Variants in UST observed in about 807,000 individuals in gnomAD.
The protein encoded by UST is chondroitin sulfate 2-O-sulfotransferase.
A neutral mutation model predicts 45.6 loss-of-function variants in UST; 21 were observed. The ratio of observed to expected loss-of-function variants is 0.46; its 90% confidence interval spans 0.33 to 0.66. The LOEUF is 0.66. UST is among the 30% of genes least tolerant of loss of function. The pLI is 0.02. For synonymous variants in UST, 215 were observed against 200.6 expected (o/e 1.07, Z -0.61); for missense variants, 463 against 512.4 (o/e 0.90, Z 0.93).
intron 1 of UST, among the ~76,000 whole-genome samples, chr6:148,828,342 G>A (rs544759420): frequency 6.6e-6 from 1 of 152,146 alleles, no homozygotes; most frequent in Admixed American, 6.5e-5. Flanking sequence ...TGTAGAAAGA[G>A]CACAGACAGA....
intron 7 of UST, among the ~76,000 whole-genome samples, chr6:149,072,319 C>T (rs747564097): frequency 3.3e-5 from 5 of 152,104 alleles, no homozygotes; most frequent in African/African-American, 4.8e-5. Flanking sequence ...AAACAAATTG[C>T]GTTCTATCTA....
chr6:148,747,492 TG>T lies in UST; in HGVS notation c.68del (p.Gly23AlafsTer88). The T allele has an allele frequency of 2.0e-6, 3 of 1,517,896 alleles. No individual in the cohort carries two copies. The highest frequency in any genetic ancestry group is 1.3e-5 in the South Asian group (1 of 79,838). 94.0% of individuals were successfully genotyped at this position (1,517,896 alleles called of 1,614,324 possible). ...GADPWPHGAP[M>X]GGAPPGLGSW... Reference sequence around the variant, plus strand: ...GATCCCTGGCCCCATGGGGCCCCTATGGGGGGCGCCCCTCCGGGCCTGGGCA... The same window carrying T: ...GATCCCTGGCCCCATGGGGCCCCTATGGGGGCGCCCCTCCGGGCCTGGGCA... On this transcript the variant is annotated frameshift_variant, in exon 1 of 8. Coordinates refer to ENST00000367463, the MANE Select transcript of UST (RefSeq NM_005715.3). LOFTEE classifies it high-confidence loss of function.
At chr6:148,779,365 C>T (rs911367467) in intron 1 of UST, among the ~76,000 whole-genome samples, 35 of 152,194 alleles carry the variant, frequency 2.3e-4, no homozygotes, top group African/African-American at 8.2e-4. Context: ...TCAAGGGAAT[C>T]TCTTTGACGT....
At chr6:149,073,694 C>T in intron 7 of UST, 139 bp from the exon 8 acceptor site, 1 of 970,630 alleles carries the variant, frequency 1.0e-6, no homozygotes, top group South Asian at 1.8e-5. Context: ...GTCAGGAACC[C>T]TTCTTCTCTT....
At position 149,034,276 on chromosome 6, in the gene UST, T is replaced by C. The variant is rs138032169; in HGVS notation, c.937+12795T>C. On this transcript the variant is annotated intron_variant, in intron 7 of 7. Coordinates refer to ENST00000367463, the MANE Select transcript of UST (RefSeq NM_005715.3). ...AGATTTATTTGTACCTATCAAAAAT[T>C]TCGTATGTGCCAAAATTTTCGTATG... is the stretch of plus-strand genomic sequence containing the variant. 1.0e-3 allele frequency among the ~76,000 whole-genome samples: 153 copies of C among 152,334 alleles called. 1 individual carries two copies. The highest frequency in any genetic ancestry group is 3.4e-3 in the African/African-American group (143 of 41,580).
intron 1 of UST, among the ~76,000 whole-genome samples, chr6:148,803,609 G>A (rs1777092403): frequency 6.6e-6 from 1 of 152,120 alleles, no homozygotes; most frequent in South Asian, 2.1e-4. Context: ...CTCCTCTGGA[G>A]CCAGAATAAA....
Position 148,773,325 on chromosome 6 carries a change from G to A in UST, c.247+25648G>A, listed in dbSNP as rs1282741083. ...AAAATACAAAAATTAGCCGGCTGTG[G>A]TGGCAGATGCCTTTAATCCCAGCTA... On this transcript the variant is annotated intron_variant, in intron 1 of 7. Transcript: ENST00000367463. Among the ~76,000 whole-genome samples, 5 of 152,176 alleles carry A rather than the reference G, an allele frequency of 3.3e-5. No homozygotes were observed. The East Asian group carries it at 9.7e-4, about 29-fold the overall frequency.
rs147183427 is a variant in UST, at chr6:148,907,031, A to C, written c.291+20002A>C. On this transcript the variant is annotated intron_variant, in intron 2 of 7. Transcript: ENST00000367463. Reference sequence around the variant, plus strand: ...GTTATTCTAAACTGGTTAACCACAGATGGGATTAAAGCAAAAATTATGAAT... The same window carrying C: ...GTTATTCTAAACTGGTTAACCACAGCTGGGATTAAAGCAAAAATTATGAAT... Among the ~76,000 whole-genome samples, 900 of 152,304 alleles carry C rather than the reference A, an allele frequency of 5.9e-3. 9 individuals are homozygous for C. Among genetic ancestry groups the C allele is most frequent in the African/African-American group, 0.02 (843 of 41,556 alleles).
rs371874850 is a variant in UST, at chr6:149,063,571, T to C, written c.938-10262T>C. Reference sequence around the variant, plus strand: ...ACCCCAGCCAGATGGGAGGGTAGACTGCTTCTCGCTAAGGACCCAGCATTT... The same window carrying C: ...ACCCCAGCCAGATGGGAGGGTAGACCGCTTCTCGCTAAGGACCCAGCATTT... On this transcript the variant is annotated intron_variant, in intron 7 of 7. Transcript: ENST00000367463. 5.3e-5 allele frequency among the ~76,000 whole-genome samples: 8 copies of C among 152,322 alleles called. No homozygotes were observed. The East Asian group carries it at 1.2e-3, about 22-fold the overall frequency.
chr6:148,913,739 A>G (rs1779524994), intron 2 of UST, among the ~76,000 whole-genome samples: 1 of 152,210 alleles, frequency 6.6e-6, no homozygotes, highest in Non-Finnish European at 1.5e-5. Flanking sequence ...GACGAAAGTC[A>G]TTTTATCAAA....
intron 1 of UST, among the ~76,000 whole-genome samples, chr6:148,774,197 T>C (rs962990317): frequency 5.9e-5 from 9 of 152,006 alleles, no homozygotes; most frequent in Admixed American, 4.6e-4. Context: ...TTTAGAAAGA[T>C]GTTAAAGAAG....
intron 1 of UST, among the ~76,000 whole-genome samples, chr6:148,799,097 T>C (rs1777005290): frequency 6.6e-6 from 1 of 152,180 alleles, no homozygotes; most frequent in African/African-American, 2.4e-5. Context: ...CTCGAACTCC[T>C]GACCTCAGGT....
intron 5 of UST, among the ~76,000 whole-genome samples, chr6:149,013,514 G>A (rs965658920): frequency 6.7e-6 from 1 of 149,748 alleles, no homozygotes; most frequent in Non-Finnish European, 1.5e-5. Context: ...CAACAAGAGC[G>A]AAACTCTGTC....
chr6:148,888,029 T>G (rs1313454786), intron 2 of UST, among the ~76,000 whole-genome samples: 1 of 152,190 alleles, frequency 6.6e-6, no homozygotes, highest in African/African-American at 2.4e-5. Context: ...ATTCCTGCAT[T>G]GCTATAAAGA....
intron 1 of UST, among the ~76,000 whole-genome samples, chr6:148,841,584 T>TTG (rs1316459901): frequency 7.2e-6 from 1 of 139,504 alleles, no homozygotes; most frequent in Non-Finnish European, 1.6e-5. Context: ...CTGTTTTGTT[T>TTG]TTGTTTTTTT....
At position 148,947,959 on chromosome 6, in the gene UST, G is replaced by A. The variant is rs117309523; in HGVS notation, c.448-5913G>A. Reference sequence around the variant, plus strand: ...AGAAAAACAAGGAAGAAGCAGCAAGGCCTGCAAAAATAAAATAAGTTTTTC... The same window carrying A: ...AGAAAAACAAGGAAGAAGCAGCAAGACCTGCAAAAATAAAATAAGTTTTTC... On this transcript the variant is annotated intron_variant, in intron 3 of 7. Transcript: ENST00000367463. 3.3e-5 allele frequency among the ~76,000 whole-genome samples: 5 copies of A among 152,192 alleles called. No homozygotes were observed. In the East Asian group the frequency reaches 7.7e-4, roughly 23 times the overall value.
Position 148,881,721 on chromosome 6 carries a change from C to A in UST, c.248-5265C>A, listed in dbSNP as rs191587403. Among the ~76,000 whole-genome samples, 260 of 152,270 alleles carry A rather than the reference C, an allele frequency of 1.7e-3. 1 individual carries two copies. Among genetic ancestry groups the A allele is most frequent in the Non-Finnish European group, 3.2e-3 (217 of 68,030 alleles). ...ATCCCCACAACTTAACACCCACCATCGACTCCTTGACAAGGCAGAGTAGCC... is the reference window on the plus strand; with the variant it reads ...ATCCCCACAACTTAACACCCACCATAGACTCCTTGACAAGGCAGAGTAGCC... On this transcript the variant is annotated intron_variant, in intron 1 of 7. Transcript: ENST00000367463.
At chr6:148,925,719 GA>G (rs1187119200) in intron 2 of UST, among the ~76,000 whole-genome samples, 2 of 152,210 alleles carry the variant, frequency 1.3e-5, no homozygotes, top group Non-Finnish European at 2.9e-5. Flanking sequence ...ATGACTGGAT[GA>G]ACATAGTTTA....
intron 1 of UST, among the ~76,000 whole-genome samples, chr6:148,789,439 TCTCTCTCTCTCTCTCACA>T (rs1314614073): frequency 2.3e-5 from 3 of 129,866 alleles, no homozygotes; most frequent in East Asian, 2.6e-4. Context: ...TCTCTCTCTC[TCTCTCTCTCTCTCTCACA>T]CACACACACA....
Sources: gnomAD v4.1 joint callset for allele counts (sites outside exome capture counted in the v4.1 genomes callset) on GRCh38, gnomAD v4.1.1 for gene constraint, MANE v1.5 for transcripts, NCBI Gene and HGNC (gene_info 2026-07-23, HGNC 2026-07-21) for gene names.